Variants in NIBAN2 observed in about 807,000 individuals in gnomAD.
The protein encoded by NIBAN2 is protein Niban 2.
Under a neutral mutation model 81.8 loss-of-function variants are expected in NIBAN2, and 36 were observed. The observed-to-expected ratio is 0.44, with a 90% confidence interval of 0.34 to 0.58. The LOEUF (loss-of-function observed/expected upper bound fraction) is 0.58. NIBAN2 is among the 20% of genes least tolerant of loss of function. NIBAN2 has a pLI of 0.02. For missense variants in NIBAN2, 897 were observed against 1,014.1 expected, an observed-to-expected ratio of 0.88 and a Z score of 1.57; for synonymous variants, 445 against 441.6, an observed-to-expected ratio of 1.01 and a Z score of -0.10.
rs375874707 is a variant in NIBAN2, at chr9:127,550,753, AGGGCTGGGTTTG to A, written c.55+18055_55+18066del. On this transcript the variant is annotated intron_variant, in intron 1 of 13. Coordinates refer to ENST00000373312, the MANE Select transcript of NIBAN2 (RefSeq NM_022833.4). ...GAGGCAGGACCCTTCCTGCAAATAT[AGGGCTGGGTTTG>A]GGGCTGGGCCAGGCCAAGGTCACAT... Among the ~76,000 whole-genome samples the A allele has an allele frequency of 2.3e-3, 351 of 152,336 alleles. 3 individuals carry two copies. Among genetic ancestry groups the A allele is most frequent in the African/African-American group, 7.9e-3 (330 of 41,562 alleles).
chr9:127,531,922 G>T, intron 1 of NIBAN2, 144 bp from the exon 2 acceptor site: 3 of 1,136,604 alleles, frequency 2.6e-6, no homozygotes, highest in Non-Finnish European at 2.4e-6. Context: ...CATCTGCGCT[G>T]CATTTCTGGC....
At chr9:127,523,169 T>A (rs12353331) in intron 5 of NIBAN2, among the ~76,000 whole-genome samples, 2,797 of 11,294 alleles carry the variant, frequency 0.25, 196 homozygotes, top group Admixed American at 0.41. Context: ...TTGGTGGTTT[T>A]AAAAAAAAAA....
In NIBAN2 at chr9:127,525,444, G is replaced by A. The variant is rs543226127; in HGVS notation, c.316-281C>T. Among the ~76,000 whole-genome samples the A allele has an allele frequency of 2.0e-5, 3 of 152,162 alleles. No homozygotes were observed. The South Asian group carries it at 6.2e-4, about 32-fold the overall frequency. Reference sequence around the variant, plus strand: ...AAATTCCTTAAATGCCTAAACTTCAGCTTCTTCATCTATAAAACCAGGGAA... The same window carrying A: ...AAATTCCTTAAATGCCTAAACTTCAACTTCTTCATCTATAAAACCAGGGAA... On this transcript the variant is annotated intron_variant, in intron 3 of 13. Transcript: ENST00000373312.
At chr9:127,572,714 T>C (rs1001323194), upstream of NIBAN2, among the ~76,000 whole-genome samples, 1 of 151,928 alleles carries the variant, frequency 6.6e-6, no homozygotes. Context: ...TAAAGCCCAT[T>C]TTAGAGTTGA....
rs2249576 is a variant in NIBAN2, at chr9:127,563,618, G to A, written c.55+5202C>T. Among the ~76,000 whole-genome samples the A allele has an allele frequency of 8.1e-3, 1,224 of 151,966 alleles. 17 individuals carry two copies. The highest frequency in any genetic ancestry group is 0.028 in the African/African-American group (1,152 of 41,490). Reference sequence around the variant, plus strand: ...TCTCACTGCAACCTCCACCTCCCGGGTTCAAGCGATTCTTGTGCCGCAGCC... The same window carrying A: ...TCTCACTGCAACCTCCACCTCCCGGATTCAAGCGATTCTTGTGCCGCAGCC... On this transcript the variant is annotated intron_variant, in intron 1 of 13. Transcript: ENST00000373312. The surrounding 1 kb of genome is among the most constrained non-coding windows in gnomAD (Gnocchi z 4.1).
At position 127,517,471 on chromosome 9, in the gene NIBAN2, G is replaced by C. The variant is rs1480353974; in HGVS notation, c.706-255C>G. Among the ~76,000 whole-genome samples the C allele has an allele frequency of 6.6e-6, 1 of 152,128 alleles. No homozygotes were observed. Among genetic ancestry groups the C allele is most frequent in the Non-Finnish European group, 1.5e-5 (1 of 68,018 alleles). ...TTGCACAGGCTGCCTTCCCTACCTA[G>C]AATACCATACTCCCTCCCTGCTTTG... On this transcript the variant is annotated intron_variant, in intron 6 of 13. Transcript: ENST00000373312. This position sits in a 1 kb window ranked among gnomAD's most constrained non-coding sequence, Gnocchi z 4.0.
chr9:127,548,879 A>G (rs560035302), intron 1 of NIBAN2, among the ~76,000 whole-genome samples: 22 of 152,262 alleles, frequency 1.4e-4, no homozygotes, highest in African/African-American at 5.3e-4. Flanking sequence ...GCCCATTCTC[A>G]AGTCATCCAC....
In NIBAN2 at chr9:127,508,998, C is replaced by T. The variant is rs760512238; in HGVS notation, c.1295G>A (p.Arg432Gln). ...DVSSTSVFKQ[R>Q]AQIHMREQMD... ...TACCTCCCGCATGTGGATCTGGGCT[C>T]GCTGCTTGAACACGGACGTGCTGGA... is the stretch of plus-strand genomic sequence containing the variant. Residue 432 changes from arginine (R) to glutamine (Q), a missense_variant, in exon 10 of 14, where the codon CGA (arginine) becomes CAA (glutamine). By Grantham distance (43) the Arg-to-Gln change is conservative. This residue lies in a region of NIBAN2 where 619 missense variants were observed against 691.0 expected (regional missense o/e 0.90). Coordinates refer to ENST00000373312, the MANE Select transcript of NIBAN2 (RefSeq NM_022833.4). The surrounding 1 kb of genome is among the most constrained non-coding windows in gnomAD (Gnocchi z 6.4). The T allele has an allele frequency of 1.1e-5, 18 of 1,613,744 alleles. No homozygotes were observed. Among genetic ancestry groups the T allele is most frequent in the African/African-American group, 1.3e-5 (1 of 74,882 alleles).
At chr9:127,532,644 T>C (rs184443178) in intron 1 of NIBAN2, among the ~76,000 whole-genome samples, 3 of 151,568 alleles carry the variant, frequency 2.0e-5, no homozygotes, top group African/African-American at 4.8e-5. Context: ...CCTATCCGGA[T>C]AGGTGCCAAC....
chr9:127,578,667 TAA>T (rs1015593125), intron 1 of NIBAN2, among the ~76,000 whole-genome samples: 1 of 137,900 alleles, frequency 7.3e-6, no homozygotes. Flanking sequence ...AAACTCCGCC[TAA>T]AAAAAAAAAA....
chr9:127,547,590 C>A (rs937985810), intron 1 of NIBAN2, among the ~76,000 whole-genome samples: 2 of 150,992 alleles, frequency 1.3e-5, no homozygotes, highest in Admixed American at 1.3e-4. Flanking sequence ...GTAATCCCAG[C>A]ACTTTGGGAG....
intron 8 of NIBAN2, among the ~76,000 whole-genome samples, chr9:127,515,861 G>T (rs887454092): frequency 1.3e-5 from 2 of 151,804 alleles, no homozygotes; most frequent in African/African-American, 4.8e-5. Context: ...ATAATGGCTG[G>T]GCACAGTCGC....
intron 1 of NIBAN2, among the ~76,000 whole-genome samples, chr9:127,533,755 G>C (rs1837225857): frequency 6.6e-6 from 1 of 152,230 alleles, no homozygotes; most frequent in Non-Finnish European, 1.5e-5. Context: ...CTCTGGTGTG[G>C]GAGTGGGGAG....
At position 127,508,933 on chromosome 9, in the gene NIBAN2, C is replaced by G. The variant is rs1435236158; in HGVS notation, c.1317+43G>C. The stretch of plus-strand genomic sequence containing the variant: ...CCTGGGCGAGGGGGCCTGTGGAAGG[C>G]AGTGGACAGGGTGTGGGGTGGGGGT... On this transcript the variant is annotated intron_variant, in intron 10 of 13. Transcript: ENST00000373312. This position sits in a 1 kb window ranked among gnomAD's most constrained non-coding sequence, Gnocchi z 6.4. The G allele has an allele frequency of 6.2e-7, 1 of 1,610,420 alleles. No homozygotes were observed. The highest frequency in any genetic ancestry group is 8.5e-7 in the Non-Finnish European group (1 of 1,178,258).
At chr9:127,538,944 C>CAAAA (rs59404269) in intron 1 of NIBAN2, among the ~76,000 whole-genome samples, 1 of 114,534 alleles carries the variant, frequency 8.7e-6, no homozygotes, top group Non-Finnish European at 1.8e-5. Flanking sequence ...GACTCCATCT[C>CAAAA]AAAAAAAAAA....
chr9:127,524,034 GCCCAAAA>G (rs1222389913), intron 4 of NIBAN2, among the ~76,000 whole-genome samples, 188 bp from the exon 5 acceptor site: 4 of 152,208 alleles, frequency 2.6e-5, no homozygotes, highest in Non-Finnish European at 4.4e-5. Flanking sequence ...GTTCTCCTCA[GCCCAAAA>G]CCTGAGTCCA....
At chr9:127,516,144 A>ATAAG (rs10686120) in intron 8 of NIBAN2, among the ~76,000 whole-genome samples, 1 of 151,822 alleles carries the variant, frequency 6.6e-6, no homozygotes, top group Non-Finnish European at 1.5e-5. Context: ...AATGAAATAA[A>ATAAG]ATAAAATAAA....
chr9:127,506,821 T>G lies in NIBAN2; in HGVS notation c.*24A>C. On this transcript the variant is annotated 3_prime_UTR_variant, in exon 14 of 14. Coordinates refer to ENST00000373312, the MANE Select transcript of NIBAN2 (RefSeq NM_022833.4). ...CCGGAAGGGAACGGCCTGTGCCATGTGCAGCAGTCAGGGACCCACTGGCCT... is the reference window on the plus strand; with the variant it reads ...CCGGAAGGGAACGGCCTGTGCCATGGGCAGCAGTCAGGGACCCACTGGCCT... The G allele has an allele frequency of 6.4e-7, 1 of 1,572,232 alleles. No homozygotes were observed. Among genetic ancestry groups the G allele is most frequent in the Non-Finnish European group, 8.6e-7 (1 of 1,156,118 alleles).
chr9:127,555,261 T>C (rs1837646203), intron 1 of NIBAN2, among the ~76,000 whole-genome samples: 1 of 152,202 alleles, frequency 6.6e-6, no homozygotes, highest in Non-Finnish European at 1.5e-5. Flanking sequence ...TTGGGCCACC[T>C]TTCTGCTGTC....
Sources: allele counts gnomAD v4.1 joint callset (sites outside exome capture counted in the v4.1 genomes callset), GRCh38; gene constraint gnomAD v4.1.1; regional missense constraint gnomAD v4.1.1; non-coding constraint Gnocchi (gnomAD v3.1); transcripts MANE v1.5; gene names NCBI Gene and HGNC (gene_info 2026-07-23, HGNC 2026-07-21).